Variants in CACNA1A observed in about 807,000 individuals in gnomAD.
CACNA1A encodes the protein calcium voltage-gated channel subunit alpha1 A, also known as voltage-dependent P/Q-type calcium channel subunit alpha-1A.
In CACNA1A, 57 loss-of-function variants were observed where a neutral mutation model predicts 262.4. The observed-to-expected ratio is 0.22, with a 90% CI of 0.18 to 0.27. The LOEUF is 0.27. Ranked by LOEUF, CACNA1A falls within the 10% of genes least tolerant of loss-of-function variation. CACNA1A has a pLI of 1.00. For synonymous variants in CACNA1A, 1,431 were observed against 1,419.3 expected, an observed-to-expected ratio of 1.01 and a Z score of -0.18; for missense variants, 2,526 against 3,562.8, an observed-to-expected ratio of 0.71 and a Z score of 7.41.
chr19:13,308,403 C>T lies in CACNA1A; in HGVS notation c.1781+13G>A, dbSNP rs1322279453. ...ACCCCCTGTACAAATGTCCAGGAAC[C>T]CCAAAGACTTACTTTGTGACTTTGA... On this transcript the variant is annotated intron_variant, in intron 13 of 46. Coordinates refer to ENST00000360228, the MANE Select transcript of CACNA1A (RefSeq NM_001127222.2). This position sits in a 1 kb window ranked among gnomAD's most constrained non-coding sequence, Gnocchi z 4.2. 2 of 1,598,138 alleles carry T rather than the reference C, an allele frequency of 1.3e-6. No homozygotes were observed. Among genetic ancestry groups the T allele is most frequent in the Admixed American group, 1.7e-5 (1 of 59,080 alleles).
chr19:13,371,922 G>A, intron 3 of CACNA1A, 143 bp from the exon 4 acceptor site: 2 of 688,728 alleles, frequency 2.9e-6, no homozygotes, highest in Non-Finnish European at 5.4e-6. Flanking sequence ...CCTCAGTTTT[G>A]TCACCTGTAA....
In CACNA1A at chr19:13,303,390, A is replaced by G; in HGVS notation, c.2172+156T>C. Reference sequence around the variant, plus strand: ...ACAGTCTGTTTCTGGGAGTGGGGGGAGAGGCGCCTTCTCTTTGCATGGTGC... The same window carrying G: ...ACAGTCTGTTTCTGGGAGTGGGGGGGGAGGCGCCTTCTCTTTGCATGGTGC... On this transcript the variant is annotated intron_variant, in intron 17 of 46. Coordinates refer to ENST00000360228, the MANE Select transcript of CACNA1A (RefSeq NM_001127222.2). 3 of 572,824 alleles carry G rather than the reference A, an allele frequency of 5.2e-6. No individual in the cohort carries two copies. The South Asian group carries it at 6.8e-5, about 13-fold the overall frequency. 35.5% of individuals were successfully genotyped at this position (572,824 alleles called of 1,614,324 possible). A position where few individuals can be genotyped will look rare whatever the true frequency, so the allele number is the denominator to read the frequency against.
chr19:13,287,638 A>C (rs2057434566), intron 19 of CACNA1A, among the ~76,000 whole-genome samples: 1 of 151,858 alleles, frequency 6.6e-6, no homozygotes, highest in Admixed American at 6.6e-5. Context: ...AGTAGCTGGG[A>C]TTACAGGTGC....
At chr19:13,505,866 G>A in intron 1 of CACNA1A, 66 bp downstream of exon 1, 1 of 1,523,742 alleles carries the variant, frequency 6.6e-7, no homozygotes, top group East Asian at 2.4e-5. Flanking sequence ...CTCCCAGCCT[G>A]GAAGAGGGGA....
At chr19:13,348,758 C>G (rs1320267800) in intron 6 of CACNA1A, among the ~76,000 whole-genome samples, 1 of 152,142 alleles carries the variant, frequency 6.6e-6, no homozygotes, top group East Asian at 1.9e-4. Context: ...ATCACTTGAA[C>G]CTGGGAGTCA....
intron 3 of CACNA1A, among the ~76,000 whole-genome samples, chr19:13,439,248 A>C (rs2060668838): frequency 6.7e-6 from 1 of 149,926 alleles, no homozygotes; most frequent in East Asian, 2.0e-4. Flanking sequence ...AGCTGGGACT[A>C]CAGGCGCCCA....
chr19:13,363,553 TA>T (rs2059152072), intron 5 of CACNA1A: 1 of 143,894 alleles, frequency 6.9e-6, no homozygotes, highest in Non-Finnish European at 1.5e-5. Flanking sequence ...CCATTGCAAA[TA>T]AACCTTCCCC....
rs558992719 is a variant in CACNA1A at position 13,432,708 on chromosome 19, T to C, written c.539+20168A>G. On this transcript the variant is annotated intron_variant, in intron 3 of 46. Coordinates refer to ENST00000360228, the MANE Select transcript of CACNA1A (RefSeq NM_001127222.2). Reference sequence around the variant, plus strand: ...ACATAAGGTATTGTATATTTCAAAATTGCTAAAAGAGTAGATTTTAAGCGT... The same window carrying C: ...ACATAAGGTATTGTATATTTCAAAACTGCTAAAAGAGTAGATTTTAAGCGT... Among the ~76,000 whole-genome samples, 284 of 151,258 alleles carry C rather than the reference T, an allele frequency of 1.9e-3. 2 individuals are homozygous for C. The highest frequency in any genetic ancestry group is 6.8e-3 in the African/African-American group (278 of 40,618).
intron 34 of CACNA1A, 153 bp downstream of exon 34, chr19:13,234,744 GAGAAGGGCACGCCCCCTACCGGAA>G (rs1568446624): frequency 2.4e-6 from 1 of 415,368 alleles, no homozygotes; most frequent in East Asian, 2.1e-4. Context: ...CCTACCGGAA[GAGAAGGGCACGCCCCCTACCGGAA>G]AAGAAGGGTG....
rs758890115 is a variant in CACNA1A at position 13,299,260 on chromosome 19, C to T, written c.2373G>A (p.Glu791=). Residue 791 remains glutamate (E), a synonymous_variant, in exon 19 of 47, where the codon GAG becomes GAA. Transcript: ENST00000360228. The part of the protein sequence containing the change: ...MRKQNLLASR[E]ALYNEMDPDE... ...CCGGGTCCATTTCGTTATACAGGGC[C>T]TCCCGGCTGGCCAGCAAGTTCTGCT... 6.2e-7 allele frequency: 1 copy of T among 1,607,268 alleles called. No individual in the cohort carries two copies. Among genetic ancestry groups the T allele is most frequent in the Admixed American group, 1.7e-5 (1 of 60,028 alleles).
intron 4 of CACNA1A, chr19:13,371,334 C>T (rs2059319506): frequency 4.8e-6 from 1 of 207,210 alleles, no homozygotes; most frequent in Non-Finnish European, 9.8e-6. Flanking sequence ...AAACCCTGCT[C>T]CAATGTTTCA....
intron 37 of CACNA1A, 34 bp from the exon 38 acceptor site, chr19:13,224,806 C>T: frequency 6.6e-7 from 1 of 1,519,450 alleles, no homozygotes; most frequent in South Asian, 1.2e-5. Flanking sequence ...CAGTCATTCC[C>T]AGGCATCCCT....
In CACNA1A at chr19:13,442,813, G is replaced by T. The variant is rs532119025; in HGVS notation, c.539+10063C>A. 9.2e-5 allele frequency among the ~76,000 whole-genome samples: 14 copies of T among 152,274 alleles called. 1 individual carries two copies. The highest frequency in any genetic ancestry group is 3.4e-4 in the African/African-American group (14 of 41,552). On this transcript the variant is annotated intron_variant, in intron 3 of 46. Transcript: ENST00000360228. ...TTCCCCCAGCCATAGTGGAACCCAA[G>T]ATCAGGGAGGGGAAGGAAGGATCAC... is the stretch of plus-strand genomic sequence containing the variant.
chr19:13,478,144 G>T (rs1045920210), intron 1 of CACNA1A, among the ~76,000 whole-genome samples: 1 of 152,094 alleles, frequency 6.6e-6, no homozygotes, highest in African/African-American at 2.4e-5. Flanking sequence ...TTTCACTCTG[G>T]AAGTCGACAG....
At chr19:13,307,883 T>C (rs2057939303) in intron 14 of CACNA1A, 29 bp from the exon 15 acceptor site, 2 of 1,603,110 alleles carry the variant, frequency 1.2e-6, no homozygotes, top group Admixed American at 1.7e-5. Context: ...CATTTCACGT[T>C]GGCCCCACCC....
At chr19:13,476,196 G>C (rs1978511112) in intron 1 of CACNA1A, among the ~76,000 whole-genome samples, 1 of 152,204 alleles carries the variant, frequency 6.6e-6, no homozygotes, top group South Asian at 2.1e-4. Context: ...CTGGACAAGA[G>C]TTGGATGATG....
At chr19:13,454,992 T>G in intron 2 of CACNA1A, 115 bp downstream of exon 2, 6 of 613,304 alleles carry the variant, frequency 9.8e-6, no homozygotes, top group East Asian at 5.4e-5. Flanking sequence ...AGGCTTCCCA[T>G]GATCTGGCTC....
At chr19:13,482,821 T>A (rs961381962) in intron 1 of CACNA1A, among the ~76,000 whole-genome samples, 18 of 151,786 alleles carry the variant, frequency 1.2e-4, no homozygotes, top group Admixed American at 7.2e-4. Flanking sequence ...CCTCTCTCTC[T>A]TTCTCTCCCC....
chr19:13,369,555 G>C (rs978496117), intron 4 of CACNA1A, among the ~76,000 whole-genome samples: 1 of 152,200 alleles, frequency 6.6e-6, no homozygotes, highest in African/African-American at 2.4e-5. Flanking sequence ...TCTGTAAATG[G>C]GGACTGCAAT....
Sources: allele counts gnomAD v4.1 joint callset (sites outside exome capture counted in the v4.1 genomes callset), GRCh38; gene constraint gnomAD v4.1.1; non-coding constraint Gnocchi (gnomAD v3.1); transcripts MANE v1.5; gene names NCBI Gene and HGNC (gene_info 2026-07-23, HGNC 2026-07-21).